Variants in MYMK observed in about 807,000 individuals in gnomAD.
The protein encoded by MYMK is protein myomaker.
Under a neutral mutation model 22.4 loss-of-function variants are expected in MYMK, and 16 were observed. The observed-to-expected ratio is 0.72, with a 90% CI of 0.48 to 1.09. The LOEUF (loss-of-function observed/expected upper bound fraction) is 1.09. MYMK is among the 50% of genes least tolerant of loss of function. MYMK has a pLI of 0.00. For synonymous variants in MYMK, 125 were observed against 127.0 expected (o/e 0.98, Z 0.11); for missense variants, 250 against 295.6 (o/e 0.85, Z 1.13).
chr9:133,518,988 T>G lies in MYMK; in HGVS notation c.285A>C (p.Thr95=), dbSNP rs933150746. ...TGGTCAGGACGCCGAACATCACAAA[T>G]GTTGACCTCTTGGGTTCGTCGAAGT... ...LADFDEPKRS[T]FVMFGVLTIA... is the part of the protein sequence containing the mutation. Residue 95 remains threonine (T), a synonymous_variant, in exon 3 of 5, where the codon ACA becomes ACC. Coordinates refer to ENST00000339996, the MANE Select transcript of MYMK (RefSeq NM_001080483.3). 6.2e-6 allele frequency: 10 copies of G among 1,613,782 alleles called. No homozygotes were observed. In the African/African-American group the frequency reaches 1.1e-4, roughly 17 times the overall value.
intron 3 of MYMK, among the ~76,000 whole-genome samples, chr9:133,517,953 G>A (rs1387485251): frequency 1.3e-5 from 2 of 152,224 alleles, no homozygotes; most frequent in Non-Finnish European, 2.9e-5. Context: ...GCTGGACCAG[G>A]CCAGGTCCTC....
In MYMK at chr9:133,514,696, A is replaced by G; in HGVS notation, c.606T>C (p.Ala202=). The G allele has an allele frequency of 6.2e-7, 1 of 1,614,060 alleles. No individual in the cohort carries two copies. The highest frequency in any genetic ancestry group is 8.5e-7 in the Non-Finnish European group (1 of 1,179,916). The change falls in exon 5 of 5, where the codon GCT becomes GCC. Residue 202 remains alanine, a synonymous_variant. Transcript: ENST00000339996. ...GCTTGGCCGGGGTCCCCGGGGATCCAGCCTTCTTGTTGACCTTGGGCAGCA... is the reference window on the plus strand; with the variant it reads ...GCTTGGCCGGGGTCCCCGGGGATCCGGCCTTCTTGTTGACCTTGGGCAGCA... ...VLLLPKVNKK[A]GSPGTPAKLD... is the part of the protein sequence containing the mutation.
In MYMK at chr9:133,515,394, G is replaced by A; in HGVS notation, c.516+97C>T. On this transcript the variant is annotated intron_variant, in intron 4 of 4. Transcript: ENST00000339996. The surrounding 1 kb of genome is among the most constrained non-coding windows in gnomAD (Gnocchi z 5.8). The stretch of plus-strand genomic sequence containing the variant: ...CAGACTTTGGCCTGGGGCTGTCAGA[G>A]TCCCCCCAGCGTGGGCACAGCCCTG... 1.2e-6 allele frequency: 1 copy of A among 833,174 alleles called. No individual in the cohort carries two copies. Among genetic ancestry groups the A allele is most frequent in the Non-Finnish European group, 2.0e-6 (1 of 501,482 alleles). The allele number at this position is 833,174 out of a possible 1,614,324, so 51.6% of individuals were successfully genotyped here. A position where few individuals can be genotyped will look rare whatever the true frequency, so the allele number is the denominator to read the frequency against.
intron 1 of MYMK, among the ~76,000 whole-genome samples, chr9:133,522,389 G>A (rs151183329): frequency 7.9e-5 from 12 of 152,242 alleles, no homozygotes; most frequent in Admixed American, 3.9e-4. Context: ...CACTGTCTCC[G>A]TGGGGTTTGC....
At chr9:133,516,782 C>T (rs1399270870) in intron 3 of MYMK, among the ~76,000 whole-genome samples, 1 of 152,134 alleles carries the variant, frequency 6.6e-6, no homozygotes, top group Non-Finnish European at 1.5e-5. Flanking sequence ...GAGGTGCCTG[C>T]CCCAGGTCAC....
chr9:133,523,354 G>A (rs1292018382), intron 1 of MYMK, among the ~76,000 whole-genome samples: 1 of 152,200 alleles, frequency 6.6e-6, no homozygotes, highest in Non-Finnish European at 1.5e-5. Context: ...GGGGAGAGGA[G>A]GTGGAGTTTT....
intron 1 of MYMK, among the ~76,000 whole-genome samples, chr9:133,520,630 C>T (rs987582744): frequency 1.3e-4 from 20 of 151,994 alleles, no homozygotes; most frequent in African/African-American, 4.6e-4. Flanking sequence ...TTAGGTGGGG[C>T]GGTCTCCGGG....
Position 133,515,988 on chromosome 9 carries a change from T to G in MYMK, c.400-381A>C, listed in dbSNP as rs1052347003. 6.6e-6 allele frequency among the ~76,000 whole-genome samples: 1 copy of G among 152,194 alleles called. No homozygotes were observed. The highest frequency in any genetic ancestry group is 2.4e-5 in the African/African-American group (1 of 41,444). On this transcript the variant is annotated intron_variant, in intron 3 of 4. Transcript: ENST00000339996. This position sits in a 1 kb window ranked among gnomAD's most constrained non-coding sequence, Gnocchi z 5.8. ...TTACCAAGGAAAGTACTGGAGTACT[T>G]GGGACCTGCCAGCCCAGTGTGGCCC...
intron 3 of MYMK, among the ~76,000 whole-genome samples, chr9:133,518,340 G>A (rs9696579): frequency 6.6e-6 from 1 of 151,996 alleles, no homozygotes; most frequent in African/African-American, 2.4e-5. Flanking sequence ...CTGCCTCACT[G>A]TCATACCACA....
rs1342457221 is a variant in MYMK at position 133,515,255 on chromosome 9, C to A, written c.516+236G>T. On this transcript the variant is annotated intron_variant, in intron 4 of 4. Coordinates refer to ENST00000339996, the MANE Select transcript of MYMK (RefSeq NM_001080483.3). This position sits in a 1 kb window ranked among gnomAD's most constrained non-coding sequence, Gnocchi z 5.8. ...TGAGATGCCAGCTGTCTGTAGGCAG[C>A]CAGCTTTGGTCTCTGTGACCTCCAG... 6.6e-6 allele frequency among the ~76,000 whole-genome samples: 1 copy of A among 152,114 alleles called. No individual in the cohort carries two copies. The highest frequency in any genetic ancestry group is 2.4e-5 in the African/African-American group (1 of 41,414).
chr9:133,522,716 G>T (rs756851922), intron 1 of MYMK, among the ~76,000 whole-genome samples: 1 of 152,188 alleles, frequency 6.6e-6, no homozygotes, highest in Non-Finnish European at 1.5e-5. Context: ...TTCTCCCTGC[G>T]CTAAGGCCAT....
At chr9:133,516,255 T>C (rs1401797095) in intron 3 of MYMK, among the ~76,000 whole-genome samples, 1 of 152,190 alleles carries the variant, frequency 6.6e-6, no homozygotes, top group Non-Finnish European at 1.5e-5. Context: ...CCACTTCACA[T>C]GGAGTCTATT....
chr9:133,520,261 AG>A lies in MYMK; in HGVS notation c.162del (p.Leu55CysfsTer22), dbSNP rs779010593. ...TGACGCATGAAGCACAGCACAGACAAGCCGGGTCCATTGCAGGCATGGTGGA... is the reference window on the plus strand; with the variant it reads ...TGACGCATGAAGCACAGCACAGACAACCGGGTCCATTGCAGGCATGGTGGA... Reference protein sequence around the residue: ...VALHHACNGPGLSVLCFMRHD... With the variant: ...VALHHACNGPXLSVLCFMRHD... On this transcript the variant is annotated frameshift_variant, in exon 2 of 5. Transcript: ENST00000339996. LOFTEE classifies it high-confidence loss of function. The A allele has an allele frequency of 2.5e-6, 4 of 1,614,066 alleles. No individual in the cohort carries two copies. In the African/African-American group the frequency reaches 5.3e-5, roughly 22 times the overall value.
chr9:133,515,938 T>TG lies in MYMK; in HGVS notation c.400-332dup, dbSNP rs925114479. Reference sequence around the variant, plus strand: ...TCTCCTCCTCCCTGGAGGGGAGCTCTGGGGGGACTAGACTCCATGATTGCT... The same window carrying TG: ...TCTCCTCCTCCCTGGAGGGGAGCTCTGGGGGGGACTAGACTCCATGATTGCT... On this transcript the variant is annotated intron_variant, in intron 3 of 4. Coordinates refer to ENST00000339996, the MANE Select transcript of MYMK (RefSeq NM_001080483.3). This position sits in a 1 kb window ranked among gnomAD's most constrained non-coding sequence, Gnocchi z 5.8. Among the ~76,000 whole-genome samples the TG allele has an allele frequency of 1.2e-4, 18 of 152,186 alleles. No homozygotes were observed. The highest frequency in any genetic ancestry group is 4.1e-4 in the African/African-American group (17 of 41,448).
chr9:133,514,768 A>G lies in MYMK; in HGVS notation c.534T>C (p.Tyr178=), dbSNP rs17758315. 1,016,958 of 1,613,678 alleles carry G rather than the reference A, an allele frequency of 0.63. 324,082 individuals are homozygous for G. Among genetic ancestry groups the G allele is most frequent in the Admixed American group, 0.77 (46,207 of 59,998 alleles). Residue 178 remains tyrosine (Y), a synonymous_variant, in exon 5 of 5, where the codon TAT becomes TAC. Transcript: ENST00000339996. ...RFFFEDWDYT[Y]VHSFYHCALA... is the part of the protein sequence containing the mutation. ...GGGCACAGTGGTAGAAGCTGTGGAC[A>G]TAAGTGTAGTCCCAGTCCTGCGGGG...
chr9:133,518,416 C>T (rs1844656719), intron 3 of MYMK, among the ~76,000 whole-genome samples: 1 of 152,206 alleles, frequency 6.6e-6, no homozygotes, highest in Non-Finnish European at 1.5e-5. Flanking sequence ...CAGATTACCC[C>T]AGGCCATTTT....
In MYMK at chr9:133,515,174, CCCT is replaced by C. The variant is rs1327573302; in HGVS notation, c.516+314_516+316del. ...TCCCTGTCTCCTCCCCTCCCTCCCTCCCTCCTCCAGGTGTTGGGCACCTGCCCC... is the reference window on the plus strand; with the variant it reads ...TCCCTGTCTCCTCCCCTCCCTCCCTCCCTCCAGGTGTTGGGCACCTGCCCC... On this transcript the variant is annotated intron_variant, in intron 4 of 4. Coordinates refer to ENST00000339996, the MANE Select transcript of MYMK (RefSeq NM_001080483.3). This position sits in a 1 kb window ranked among gnomAD's most constrained non-coding sequence, Gnocchi z 5.8. Among the ~76,000 whole-genome samples, 1 of 148,912 alleles carries C rather than the reference CCCT, an allele frequency of 6.7e-6. No homozygotes were observed. Among genetic ancestry groups the C allele is most frequent in the African/African-American group, 2.4e-5 (1 of 40,892 alleles).
intron 1 of MYMK, among the ~76,000 whole-genome samples, chr9:133,522,341 G>GT (rs1588266871): frequency 7.6e-6 from 1 of 131,214 alleles, no homozygotes; most frequent in East Asian, 2.4e-4. Context: ...GTGAGTGGCT[G>GT]TCGGGGGGGG....
chr9:133,524,887 T>C lies in MYMK; in HGVS notation c.-43A>G. 1.3e-6 allele frequency: 2 copies of C among 1,567,638 alleles called. No homozygotes were observed. The highest frequency in any genetic ancestry group is 1.7e-6 in the Non-Finnish European group (2 of 1,157,454). ...CTGGCTGGGGTGGGGAGGGTGCTGG[T>C]GTCCCAGGTCCCCAGCACAGGAGCA... is the stretch of plus-strand genomic sequence containing the variant. On this transcript the variant is annotated 5_prime_UTR_variant, in exon 1 of 5. Transcript: ENST00000339996.
Sources: gnomAD v4.1 joint callset for allele counts (sites outside exome capture counted in the v4.1 genomes callset) on GRCh38, gnomAD v4.1.1 for gene constraint, Gnocchi (gnomAD v3.1) non-coding constraint, MANE v1.5 for transcripts, NCBI Gene and HGNC (gene_info 2026-07-23, HGNC 2026-07-21) for gene names.